SLC38A10: variants seen among roughly 807,000 people sequenced by gnomAD.
SLC38A10 encodes the protein Sodium-coupled neutral amino acid transporter 10.
SLC38A10 carries 53 observed loss-of-function variants against 81.0 expected under a neutral mutation model. The observed-to-expected ratio is 0.65, with a 90% confidence interval of 0.53 to 0.82. The LOEUF is 0.82. Ranked by LOEUF, SLC38A10 falls within the 40% of genes least tolerant of loss-of-function variation. The pLI is 0.00. For synonymous variants in SLC38A10, 665 were observed against 655.3 expected, an observed-to-expected ratio of 1.01 and a Z score of -0.23; for missense variants, 1,471 against 1,545.0, an observed-to-expected ratio of 0.95 and a Z score of 0.80.
At chr17:81,267,089 A>C (rs992818587) in intron 10 of SLC38A10, among the ~76,000 whole-genome samples, 3 of 152,198 alleles carry the variant, frequency 2.0e-5, no homozygotes, top group Admixed American at 6.5e-5. Flanking sequence ...CATGCAACTA[A>C]CACAGTACGG....
rs557033776 is a variant in SLC38A10 at position 81,265,749 on chromosome 17, C to T, written c.1131+5169G>A. 5.3e-5 allele frequency among the ~76,000 whole-genome samples: 8 copies of T among 152,330 alleles called. No homozygotes were observed. In the East Asian group the frequency reaches 5.8e-4, roughly 11 times the overall value. On this transcript the variant is annotated intron_variant, in intron 10 of 15. Coordinates refer to ENST00000374759, the MANE Select transcript of SLC38A10 (RefSeq NM_001037984.3). The surrounding 1 kb of genome is among the most constrained non-coding windows in gnomAD (Gnocchi z 4.2). The stretch of plus-strand genomic sequence containing the variant: ...GATGTGGCGCCACAGGCCCAGGGTA[C>T]GGCCTTGCGGTGCTGACATCTCCGT...
chr17:81,251,494 C>A lies in SLC38A10; in HGVS notation c.2064G>T (p.Glu688Asp), dbSNP rs766521033. 5 of 1,601,296 alleles carry A rather than the reference C, an allele frequency of 3.1e-6. No homozygotes were observed. In the South Asian group the frequency reaches 5.6e-5, roughly 18 times the overall value. Reference protein sequence around the residue: ...AGGNQAASQLEEAGRAEMLDH... With the variant: ...AGGNQAASQLDEAGRAEMLDH... ...GCGGCTGTAGGGCGGAGGCCTTACCCTCCAGCTGGCTGGCCGCCTGGTTTC... is the reference window on the plus strand; with the variant it reads ...GCGGCTGTAGGGCGGAGGCCTTACCATCCAGCTGGCTGGCCGCCTGGTTTC... Residue 688 changes from glutamate (E) to aspartate (D), a missense_variant and splice_region_variant, in exon 14 of 16, where the codon GAG (glutamate) becomes GAT (aspartate). Glu to Asp is a conservative substitution (Grantham distance 45). Transcript: ENST00000374759.
intron 6 of SLC38A10, chr17:81,280,003 C>T (rs572470230): frequency 8.8e-5 from 31 of 353,610 alleles, no homozygotes; most frequent in African/African-American, 6.4e-4. Context: ...CAGCCCCCCG[C>T]ATGCCGATGG....
At chr17:81,252,720 G>C in intron 12 of SLC38A10, 37 bp from the exon 13 acceptor site, 1 of 1,544,246 alleles carries the variant, frequency 6.5e-7, no homozygotes, top group South Asian at 1.2e-5. Context: ...GTCAGGCTGA[G>C]GCCCCTCCTT....
chr17:81,251,384 G>C (rs370290548), intron 14 of SLC38A10, 109 bp downstream of exon 14: 3 of 1,612,552 alleles, frequency 1.9e-6, no homozygotes, highest in South Asian at 2.2e-5. Flanking sequence ...GAAAGAGAAG[G>C]GGGGCCTGGC....
At chr17:81,263,398 TGCACCAGACA>T (rs1473223681) in intron 10 of SLC38A10, 1 of 152,470 alleles carries the variant, frequency 6.6e-6, no homozygotes, top group Non-Finnish European at 1.5e-5. Flanking sequence ...GCCCCCACAA[TGCACCAGACA>T]GCACATTACT....
Position 81,289,100 on chromosome 17 carries a change from G to C in SLC38A10, c.217+591C>G, listed in dbSNP as rs889054661. On this transcript the variant is annotated intron_variant, in intron 2 of 15. Coordinates refer to ENST00000374759, the MANE Select transcript of SLC38A10 (RefSeq NM_001037984.3). The surrounding 1 kb of genome is among the most constrained non-coding windows in gnomAD (Gnocchi z 5.9). Reference sequence around the variant, plus strand: ...CTGGCACCAAGGCTCGAGTGCAGTGGCGTGATCTCAGCTCACTGCAGCCTC... The same window carrying C: ...CTGGCACCAAGGCTCGAGTGCAGTGCCGTGATCTCAGCTCACTGCAGCCTC... Among the ~76,000 whole-genome samples the C allele has an allele frequency of 6.6e-6, 1 of 152,114 alleles. No individual in the cohort carries two copies. The highest frequency in any genetic ancestry group is 1.5e-5 in the Non-Finnish European group (1 of 68,020).
rs763213791 is a variant in SLC38A10, at chr17:81,251,534, A to C, written c.2024T>G (p.Val675Gly). The C allele has an allele frequency of 1.3e-6, 2 of 1,568,546 alleles. No homozygotes were observed. The highest frequency in any genetic ancestry group is 3.8e-5 in the Admixed American group (2 of 52,266). The stretch of plus-strand genomic sequence containing the variant: ...CGCCTGGTTTCCACCCGCTCGCTCC[A>C]CGTCCCTCTGCTCGCGAGGCTCGGG... ...LPPEPREQRD[V>G]ERAGGNQAAS... is the part of the protein sequence containing the mutation. The change falls in exon 14 of 16, where the codon GTG becomes GGG. Residue 675 changes from valine to glycine, a missense_variant. Val to Gly is a moderately radical substitution (Grantham distance 109). Coordinates refer to ENST00000374759, the MANE Select transcript of SLC38A10 (RefSeq NM_001037984.3).
At chr17:81,267,024 A>G (rs2063076194) in intron 10 of SLC38A10, among the ~76,000 whole-genome samples, 1 of 152,180 alleles carries the variant, frequency 6.6e-6, no homozygotes, top group African/African-American at 2.4e-5. Flanking sequence ...ACAAGTCACA[A>G]CTCCGTGAGT....
At position 81,260,323 on chromosome 17, in the gene SLC38A10, G is replaced by A; in HGVS notation, c.1203C>T (p.Val401=). The A allele has an allele frequency of 6.2e-7, 1 of 1,608,942 alleles. No individual in the cohort carries two copies. The highest frequency in any genetic ancestry group is 1.1e-5 in the South Asian group (1 of 90,236). ...TVTTLSVSEE[V]PEDLAEEAPG... ...GGGCTTCCTCTGCCAAGTCCTCGGG[G>A]ACCTCCTCGCTCACAGACAGTGTGG... Residue 401 remains valine (V), a synonymous_variant, in exon 11 of 16, where the codon GTC becomes GTT. Transcript: ENST00000374759.
Position 81,270,899 on chromosome 17 carries a change from C to G in SLC38A10, c.1131+19G>C. 6.2e-7 allele frequency: 1 copy of G among 1,609,218 alleles called. No individual in the cohort carries two copies. The highest frequency in any genetic ancestry group is 1.3e-5 in the African/African-American group (1 of 74,906). ...GACCCATCAGCCCTCGTCCAGGCCA[C>G]CCCACGAGCAGCACGCACCTGGGAG... On this transcript the variant is annotated intron_variant, in intron 10 of 15. Transcript: ENST00000374759. This position sits in a 1 kb window ranked among gnomAD's most constrained non-coding sequence, Gnocchi z 4.0.
chr17:81,290,965 C>A (rs1328631634), intron 1 of SLC38A10, among the ~76,000 whole-genome samples: 1 of 151,936 alleles, frequency 6.6e-6, no homozygotes, highest in African/African-American at 2.4e-5. Context: ...CGAGATTGCG[C>A]CACTGCACTC....
intron 11 of SLC38A10, 65 bp downstream of exon 11, chr17:81,260,173 C>A (rs2063008545): frequency 2.6e-6 from 4 of 1,518,860 alleles, no homozygotes; most frequent in Non-Finnish European, 3.5e-6. Context: ...ATCCTCGGAC[C>A]AGACCCAGGA....
At chr17:81,267,583 C>A (rs944437356) in intron 10 of SLC38A10, among the ~76,000 whole-genome samples, 1 of 152,126 alleles carries the variant, frequency 6.6e-6, no homozygotes, top group Non-Finnish European at 1.5e-5. Flanking sequence ...CCTGGCATAG[C>A]AGGACATGTG....
rs564559693 is a variant in SLC38A10 at position 81,268,917 on chromosome 17, A to G, written c.1131+2001T>C. 1.8e-3 allele frequency among the ~76,000 whole-genome samples: 281 copies of G among 152,344 alleles called. 1 individual carries two copies. Among genetic ancestry groups the G allele is most frequent in the African/African-American group, 6.5e-3 (269 of 41,566 alleles). ...ACATACCATGAATATAATGGACTAG[A>G]GAAATCAAAAGAAAAGGGATGAAAC... On this transcript the variant is annotated intron_variant, in intron 10 of 15. Transcript: ENST00000374759.
chr17:81,275,064 C>T (rs888183421), intron 8 of SLC38A10, among the ~76,000 whole-genome samples: 1 of 152,154 alleles, frequency 6.6e-6, no homozygotes. Context: ...CGCTGCCATG[C>T]GTGGCTAATT....
At chr17:81,248,083 G>A (rs931698385) in intron 14 of SLC38A10, among the ~76,000 whole-genome samples, 14 of 146,410 alleles carry the variant, frequency 9.6e-5, no homozygotes, top group Admixed American at 2.1e-4. Context: ...TCAGCCTCCC[G>A]AGTAGCTGGG....
chr17:81,266,463 C>CA, intron 10 of SLC38A10, among the ~76,000 whole-genome samples: 1 of 151,934 alleles, frequency 6.6e-6, no homozygotes, highest in Middle Eastern at 3.4e-3. Context: ...ACTAAAAATA[C>CA]AAAAAATTAG....
chr17:81,250,813 T>C, intron 14 of SLC38A10: 1 of 1,001,692 alleles, frequency 1.0e-6, no homozygotes, highest in South Asian at 4.4e-5. Context: ...CCCAACTGCA[T>C]GAGGCCACAA....
Sources: allele counts gnomAD v4.1 joint callset (sites outside exome capture counted in the v4.1 genomes callset), GRCh38; gene constraint gnomAD v4.1.1; non-coding constraint Gnocchi (gnomAD v3.1); transcripts MANE v1.5; gene names NCBI Gene and HGNC (gene_info 2026-07-23, HGNC 2026-07-21).